The following GUCY1A2 variants were observed in gnomAD, a reference collection of about 807,000 sequenced individuals.
GUCY1A2 encodes guanylate cyclase soluble subunit alpha-2.
In GUCY1A2, 27 loss-of-function variants were observed where a neutral mutation model predicts 63.5. The observed-to-expected ratio is 0.43, with a 90% confidence interval of 0.31 to 0.59. The LOEUF (loss-of-function observed/expected upper bound fraction) is 0.59. Among genes scored for constraint, GUCY1A2 ranks in the 20% least tolerant of loss-of-function variants. GUCY1A2 has a pLI of 0.11. For missense variants in GUCY1A2, 768 were observed against 913.3 expected (o/e 0.84, Z 2.05); for synonymous variants, 364 against 343.5 (o/e 1.06, Z -0.66).
intron 1 of GUCY1A2, among the ~76,000 whole-genome samples, chr11:107,002,125 T>C (rs772667246): frequency 1.3e-4 from 20 of 152,058 alleles, no homozygotes; most frequent in Non-Finnish European, 2.8e-4. Flanking sequence ...ATGAAATTGA[T>C]TAAAATTCAC....
intron 7 of GUCY1A2, among the ~76,000 whole-genome samples, chr11:106,707,746 G>C (rs1283913073): frequency 3.3e-5 from 5 of 151,920 alleles, no homozygotes. Context: ...ATATCTAATA[G>C]GGGAAATTTC....
At chr11:106,868,729 C>T (rs1421166247) in intron 4 of GUCY1A2, among the ~76,000 whole-genome samples, 1 of 152,164 alleles carries the variant, frequency 6.6e-6, no homozygotes, top group Non-Finnish European at 1.5e-5. Flanking sequence ...CTACCAAGGA[C>T]TTGCTTCACA....
chr11:106,784,166 C>T (rs531244213), intron 5 of GUCY1A2, among the ~76,000 whole-genome samples: 20 of 152,292 alleles, frequency 1.3e-4, no homozygotes, highest in Admixed American at 3.3e-4. Context: ...CCACCACCTC[C>T]GCTGCTTTCC....
Position 106,939,479 on chromosome 11 carries a change from C to A in GUCY1A2, c.1187G>T (p.Gly396Val), listed in dbSNP as rs1214622475. Reference sequence around the variant, plus strand: ...ACTTACCTTGTCTTTATTTTCAGAGCCAGAAGCCTCAGGCTTGGTTCTAAT... The same window carrying A: ...ACTTACCTTGTCTTTATTTTCAGAGACAGAAGCCTCAGGCTTGGTTCTAAT... ...FVIRTKPEAS[G>V]SENKDKVMEV... The change falls in exon 4 of 8, where the codon GGC (glycine) becomes GTC (valine). Residue 396 changes from glycine (G) to valine (V), a missense_variant. Gly to Val is a moderately radical substitution (Grantham distance 109). Around this residue, in one of 3 missense-constraint regions of GUCY1A2, gnomAD observed 122 missense variants for 238.1 expected, o/e 0.51. Coordinates refer to ENST00000526355, the MANE Select transcript of GUCY1A2 (RefSeq NM_000855.3). 36 of 1,590,792 alleles carry A rather than the reference C, an allele frequency of 2.3e-5. No individual in the cohort carries two copies. The highest frequency in any genetic ancestry group is 3.1e-5 in the Non-Finnish European group (36 of 1,160,818).
chr11:106,798,037 G>T (rs1459205571), intron 5 of GUCY1A2, among the ~76,000 whole-genome samples: 2 of 151,970 alleles, frequency 1.3e-5, no homozygotes, highest in Non-Finnish European at 2.9e-5. Flanking sequence ...TAAAAAAGAA[G>T]AAAAGAAAGA....
chr11:106,972,734 T>A (rs555782106), intron 3 of GUCY1A2, among the ~76,000 whole-genome samples: 2 of 152,074 alleles, frequency 1.3e-5, no homozygotes, highest in South Asian at 2.1e-4. Flanking sequence ...CAATATCCAA[T>A]AACCAAAAAT....
At chr11:106,921,149 A>G (rs1002233667) in intron 4 of GUCY1A2, among the ~76,000 whole-genome samples, 1 of 152,158 alleles carries the variant, frequency 6.6e-6, no homozygotes, top group African/African-American at 2.4e-5. Flanking sequence ...AGCCAAAAAC[A>G]GGGCATGGAA....
chr11:106,886,757 C>A (rs1469231670), intron 4 of GUCY1A2, among the ~76,000 whole-genome samples: 1 of 151,996 alleles, frequency 6.6e-6, no homozygotes, highest in East Asian at 1.9e-4. Context: ...ACAGTATTAC[C>A]CTCTTCAAAA....
At chr11:106,696,574 T>C (rs1399099805) in intron 7 of GUCY1A2, among the ~76,000 whole-genome samples, 1 of 152,160 alleles carries the variant, frequency 6.6e-6, no homozygotes, top group Non-Finnish European at 1.5e-5. Flanking sequence ...TTCTATGTTC[T>C]CTATTTTCTA....
At chr11:106,915,233 G>C (rs1216561501) in intron 4 of GUCY1A2, among the ~76,000 whole-genome samples, 3 of 152,080 alleles carry the variant, frequency 2.0e-5, no homozygotes, top group Non-Finnish European at 4.4e-5. Flanking sequence ...TGACTTGATA[G>C]ACAACTTTAT....
intron 7 of GUCY1A2, among the ~76,000 whole-genome samples, chr11:106,695,430 T>G (rs1315136746): frequency 6.6e-6 from 1 of 152,198 alleles, no homozygotes; most frequent in African/African-American, 2.4e-5. Context: ...TGGATTCTAT[T>G]GTAATAGCAT....
Position 106,897,281 on chromosome 11 carries a change from CTA to C in GUCY1A2, c.1206+42177_1206+42178del, listed in dbSNP as rs1359620913. On this transcript the variant is annotated intron_variant, in intron 4 of 7. Coordinates refer to ENST00000526355, the MANE Select transcript of GUCY1A2 (RefSeq NM_000855.3). ...CAATATTAGTTCTTCCCCACTTGCT[CTA>C]TAGATTCAATGAAATCTCTGTTAAA... is the stretch of plus-strand genomic sequence containing the variant. Among the ~76,000 whole-genome samples the C allele has an allele frequency of 2.6e-5, 4 of 152,246 alleles. No individual in the cohort carries two copies. The East Asian group carries it at 5.8e-4, about 22-fold the overall frequency.
At chr11:106,898,533 T>C (rs1860082604) in intron 4 of GUCY1A2, among the ~76,000 whole-genome samples, 1 of 152,144 alleles carries the variant, frequency 6.6e-6, no homozygotes, top group Admixed American at 6.6e-5. Context: ...GCTATCAAGC[T>C]ATCAAGCCAT....
At chr11:106,796,287 G>T (rs1440462405) in intron 5 of GUCY1A2, among the ~76,000 whole-genome samples, 2 of 152,064 alleles carry the variant, frequency 1.3e-5, no homozygotes, top group African/African-American at 4.8e-5. Context: ...TCTTTTATTG[G>T]AGCATTTAGC....
chr11:107,008,754 A>T (rs1302510372), intron 1 of GUCY1A2, among the ~76,000 whole-genome samples: 1 of 152,226 alleles, frequency 6.6e-6, no homozygotes, highest in Non-Finnish European at 1.5e-5. Flanking sequence ...CCATAGGGGA[A>T]AAAATGGAGT....
chr11:106,796,842 T>A (rs1434109489), intron 5 of GUCY1A2, among the ~76,000 whole-genome samples: 1 of 152,220 alleles, frequency 6.6e-6, no homozygotes, highest in Non-Finnish European at 1.5e-5. Flanking sequence ...GTTGGGGAAG[T>A]TCTCCTGGAT....
In GUCY1A2 at chr11:106,689,459, T is replaced by G. The variant is rs376129351; in HGVS notation, c.1992-1703A>C. On this transcript the variant is annotated intron_variant, in intron 7 of 7. Transcript: ENST00000526355. ...TAGTTGTATGCAAAAGCTAAAAGTA[T>G]AAACTATGCATCCAACAAAGGTCTA... Among the ~76,000 whole-genome samples the G allele has an allele frequency of 2.6e-5, 4 of 152,228 alleles. No individual in the cohort carries two copies. The East Asian group carries it at 7.7e-4, about 29-fold the overall frequency.
chr11:106,947,132 G>A (rs763584329), intron 3 of GUCY1A2, among the ~76,000 whole-genome samples: 1 of 151,474 alleles, frequency 6.6e-6, no homozygotes, highest in South Asian at 2.1e-4. Flanking sequence ...CAGGAGAATC[G>A]CTTGAACCTG....
At chr11:106,924,505 G>A (rs1414831909) in intron 4 of GUCY1A2, among the ~76,000 whole-genome samples, 1 of 152,132 alleles carries the variant, frequency 6.6e-6, no homozygotes, top group Non-Finnish European at 1.5e-5. Flanking sequence ...GCTCTATCTA[G>A]AGCCTGACCA....
Sources: gnomAD v4.1 joint callset for allele counts (sites outside exome capture counted in the v4.1 genomes callset) on GRCh38, gnomAD v4.1.1 for gene constraint, gnomAD v4.1.1 regional missense constraint, MANE v1.5 for transcripts, NCBI Gene and HGNC (gene_info 2026-07-23, HGNC 2026-07-21) for gene names.